Variants in KDM1B observed in about 807,000 individuals in gnomAD.
KDM1B encodes the protein lysine demethylase 1B.
A neutral mutation model predicts 107.4 loss-of-function variants in KDM1B; 63 were observed. The ratio of observed to expected loss-of-function variants is 0.59; its 90% confidence interval spans 0.48 to 0.72. The LOEUF is 0.72. Ranked by LOEUF, KDM1B falls within the 30% of genes least tolerant of loss-of-function variation. The pLI is 0.00. For synonymous variants in KDM1B, 363 were observed against 363.9 expected, an observed-to-expected ratio of 1.00 and a Z score of 0.03; for missense variants, 749 against 1,020.8, an observed-to-expected ratio of 0.73 and a Z score of 3.63.
At chr6:18,210,356 T>TG (rs1561951810) in intron 17 of KDM1B, among the ~76,000 whole-genome samples, 6 of 52,270 alleles carry the variant, frequency 1.1e-4, no homozygotes, top group Non-Finnish European at 1.5e-4. Context: ...TTTTTTTTTT[T>TG]TTTTTTTTTT....
chr6:18,173,103 A>AT (rs1194470295), intron 7 of KDM1B, among the ~76,000 whole-genome samples: 1 of 152,060 alleles, frequency 6.6e-6, no homozygotes, highest in Admixed American at 6.6e-5. Context: ...AAAAAAAAAA[A>AT]AAAGTGTAAT....
At chr6:18,170,456 TG>T (rs1785581901) in intron 6 of KDM1B, among the ~76,000 whole-genome samples, 1 of 152,170 alleles carries the variant, frequency 6.6e-6, no homozygotes, top group African/African-American at 2.4e-5. Context: ...TTTGACTAAC[TG>T]AAAGTAAATT....
chr6:18,201,571 G>C lies in KDM1B; in HGVS notation c.1445G>C (p.Arg482Pro). 2 of 1,549,860 alleles carry C rather than the reference G, an allele frequency of 1.3e-6. No individual in the cohort carries two copies. The highest frequency in any genetic ancestry group is 2.4e-5 in the South Asian group (2 of 84,054). ...ATAACTGACCCCACTATTGACAAGC[G>C]CATGGATTTTCATTTTAATGCTCTC... ...GRITDPTIDK[R>P]MDFHFNALLD... is the part of the protein sequence containing the mutation. Residue 482 changes from arginine (R) to proline (P), a missense_variant, in exon 14 of 22, where the codon CGC becomes CCC. Arg to Pro is a moderately radical substitution (Grantham distance 103). Transcript: ENST00000650836. This position sits in a 1 kb window ranked among gnomAD's most constrained non-coding sequence, Gnocchi z 4.3.
Position 18,155,436 on chromosome 6 carries a change from AGCG to A in KDM1B, c.-175_-173del, listed in dbSNP as rs545050827. 62 of 157,946 alleles carry A rather than the reference AGCG, an allele frequency of 3.9e-4. No homozygotes were observed. The highest frequency in any genetic ancestry group is 6.8e-4 in the Non-Finnish European group (49 of 72,506). 9.8% of individuals were successfully genotyped at this position (157,946 alleles called of 1,614,324 possible). On this transcript the variant is annotated 5_prime_UTR_variant, in exon 1 of 22. Transcript: ENST00000650836. This position sits in a 1 kb window ranked among gnomAD's most constrained non-coding sequence, Gnocchi z 6.2. Reference sequence around the variant, plus strand: ...CGGGTCACGCCGTGACAGGGGCGGAAGCGGCGGCGGCGGCGGCGGCCGAGAAGA... The same window carrying A: ...CGGGTCACGCCGTGACAGGGGCGGAAGCGGCGGCGGCGGCGGCCGAGAAGA...
rs1014034636 is a variant in KDM1B, at chr6:18,201,312, G to GT, written c.1360-166dup. On this transcript the variant is annotated intron_variant, in intron 13 of 21. Coordinates refer to ENST00000650836, the MANE Select transcript of KDM1B (RefSeq NM_001364614.2). This position sits in a 1 kb window ranked among gnomAD's most constrained non-coding sequence, Gnocchi z 4.3. ...AATAAAATCTTGTAGATTTCATGCT[G>GT]TTTTTTTTCACTGCCTGACTTTGCT... Among the ~76,000 whole-genome samples, 3 of 151,768 alleles carry GT rather than the reference G, an allele frequency of 2.0e-5. No individual in the cohort carries two copies. Among genetic ancestry groups the GT allele is most frequent in the South Asian group, 2.1e-4 (1 of 4,816 alleles).
At chr6:18,171,295 G>A in intron 6 of KDM1B, 68 bp from the exon 7 acceptor site, 1 of 830,914 alleles carries the variant, frequency 1.2e-6, no homozygotes, top group Admixed American at 1.7e-5. Context: ...TGACCAAGTG[G>A]TGGAGGATAG....
rs1332153551 is a variant in KDM1B, at chr6:18,187,178, T to TC, written c.574-612dup. On this transcript the variant is annotated intron_variant, in intron 8 of 21. Coordinates refer to ENST00000650836, the MANE Select transcript of KDM1B (RefSeq NM_001364614.2). ...CATGAGAAGGCTCTGATTTGATGAC[T>TC]CCATGTTAAGTCAACTCTGGAACAG... Among the ~76,000 whole-genome samples, 5 of 152,186 alleles carry TC rather than the reference T, an allele frequency of 3.3e-5. No homozygotes were observed. In the East Asian group the frequency reaches 9.6e-4, roughly 29 times the overall value.
chr6:18,196,744 G>A (rs1787678064), intron 10 of KDM1B, among the ~76,000 whole-genome samples: 1 of 152,136 alleles, frequency 6.6e-6, no homozygotes, highest in East Asian at 1.9e-4. Flanking sequence ...CATTTACATT[G>A]TATTAGGTAT....
Position 18,187,774 on chromosome 6 carries a change from C to T in KDM1B, c.574-18C>T. On this transcript the variant is annotated intron_variant, in intron 8 of 21. Transcript: ENST00000650836. ...TTGTCTGTCCTTGTCTCTCTTCTTCCTGTCTGGCCCATTGCAGAGAGTATT... is the reference window on the plus strand; with the variant it reads ...TTGTCTGTCCTTGTCTCTCTTCTTCTTGTCTGGCCCATTGCAGAGAGTATT... 1 of 1,489,218 alleles carries T rather than the reference C, an allele frequency of 6.7e-7. No individual in the cohort carries two copies. The highest frequency in any genetic ancestry group is 9.2e-7 in the Non-Finnish European group (1 of 1,091,624). 92.3% of individuals were successfully genotyped at this position (1,489,218 alleles called of 1,614,324 possible). A position where few individuals can be genotyped will look rare whatever the true frequency, so the allele number is the denominator to read the frequency against.
Position 18,213,900 on chromosome 6 carries a change from G to T in KDM1B, c.2109+119G>T. The T allele has an allele frequency of 9.0e-7, 1 of 1,117,318 alleles. No individual in the cohort carries two copies. 69.2% of individuals were successfully genotyped at this position (1,117,318 alleles called of 1,614,324 possible). A position where few individuals can be genotyped will look rare whatever the true frequency, so the allele number is the denominator to read the frequency against. ...AACATCATGGAGACCCTGGGTCTAT[G>T]TTTATATTCTGGGAGGACACTTGGA... On this transcript the variant is annotated intron_variant, in intron 19 of 21. Coordinates refer to ENST00000650836, the MANE Select transcript of KDM1B (RefSeq NM_001364614.2). The surrounding 1 kb of genome is among the most constrained non-coding windows in gnomAD (Gnocchi z 5.9).
At position 18,172,909 on chromosome 6, in the gene KDM1B, T is replaced by G. The variant is rs1458820568; in HGVS notation, c.534+1430T>G. ...GTTCAAGACCAGCCTGGCCAACATG[T>G]TGAAACCCTGTCTCTAGTAAAAATA... is the stretch of plus-strand genomic sequence containing the variant. On this transcript the variant is annotated intron_variant, in intron 7 of 21. Coordinates refer to ENST00000650836, the MANE Select transcript of KDM1B (RefSeq NM_001364614.2). This position sits in a 1 kb window ranked among gnomAD's most constrained non-coding sequence, Gnocchi z 5.2. Among the ~76,000 whole-genome samples the G allele has an allele frequency of 3.3e-5, 5 of 151,854 alleles. No homozygotes were observed. The highest frequency in any genetic ancestry group is 1.2e-4 in the African/African-American group (5 of 41,356).
Position 18,205,244 on chromosome 6 carries a change from A to G in KDM1B, c.1532-293A>G, listed in dbSNP as rs1484869650. On this transcript the variant is annotated intron_variant, in intron 14 of 21. Transcript: ENST00000650836. The surrounding 1 kb of genome is among the most constrained non-coding windows in gnomAD (Gnocchi z 5.7). ...AAAAGAGGAAACCACTTCTCAACGA[A>G]GCGAAATTGAGACGTTTCTGAAGAT... is the stretch of plus-strand genomic sequence containing the variant. 6.6e-6 allele frequency among the ~76,000 whole-genome samples: 1 copy of G among 152,180 alleles called. No homozygotes were observed. The highest frequency in any genetic ancestry group is 1.5e-5 in the Non-Finnish European group (1 of 68,038).
At chr6:18,169,953 A>G (rs1785547963) in intron 6 of KDM1B, among the ~76,000 whole-genome samples, 1 of 151,114 alleles carries the variant, frequency 6.6e-6, no homozygotes, top group East Asian at 2.0e-4. Context: ...TCTGTTGCCC[A>G]GGCTGGGGTG....
intron 7 of KDM1B, 112 bp from the exon 8 acceptor site, chr6:18,185,660 C>A: frequency 1.0e-6 from 1 of 961,280 alleles, no homozygotes; most frequent in Non-Finnish European, 1.7e-6. Flanking sequence ...CATAAAAATG[C>A]TTTTCTTTGC....
chr6:18,166,638 C>T (rs757795654), intron 6 of KDM1B, among the ~76,000 whole-genome samples: 2 of 151,920 alleles, frequency 1.3e-5, no homozygotes, highest in Non-Finnish European at 2.9e-5. Context: ...TTGCGCCCAG[C>T]CTGGGCAAAG....
intron 6 of KDM1B, among the ~76,000 whole-genome samples, chr6:18,169,739 TTTCTA>T (rs1785535758): frequency 6.6e-6 from 1 of 152,142 alleles, no homozygotes; most frequent in African/African-American, 2.4e-5. Context: ...TTTACTTTCT[TTTCTA>T]AGAGTTCTGT....
At chr6:18,193,706 G>T (rs1787447647) in intron 10 of KDM1B, among the ~76,000 whole-genome samples, 1 of 151,990 alleles carries the variant, frequency 6.6e-6, no homozygotes, top group South Asian at 2.1e-4. Flanking sequence ...TTTGGTTCTG[G>T]TGGAGCTGGG....
intron 15 of KDM1B, among the ~76,000 whole-genome samples, chr6:18,206,852 C>T (rs1788409475): frequency 6.6e-6 from 1 of 152,118 alleles, no homozygotes; most frequent in South Asian, 2.1e-4. Context: ...GGTCTGTTTA[C>T]CTTGTTAAAG....
intron 7 of KDM1B, 150 bp downstream of exon 7, chr6:18,171,629 C>T (rs923738745): frequency 6.4e-6 from 4 of 626,876 alleles, no homozygotes; most frequent in Non-Finnish European, 1.2e-5. Flanking sequence ...AATGGCTTAA[C>T]CAATTAAGGA....
Sources: gnomAD v4.1 joint callset for allele counts (sites outside exome capture counted in the v4.1 genomes callset) on GRCh38, gnomAD v4.1.1 for gene constraint, Gnocchi (gnomAD v3.1) non-coding constraint, MANE v1.5 for transcripts, NCBI Gene and HGNC (gene_info 2026-07-23, HGNC 2026-07-21) for gene names.